Variants in C5orf34 observed in about 807,000 individuals in gnomAD.
C5orf34 encodes the protein chromosome 5 open reading frame 34, also known as uncharacterized protein C5orf34.
In C5orf34, 73 loss-of-function variants were observed where a neutral mutation model predicts 78.4. The observed-to-expected ratio is 0.93, with a 90% confidence interval of 0.77 to 1.13. The LOEUF (loss-of-function observed/expected upper bound fraction) is 1.13. Ranked by LOEUF, C5orf34 falls within the 50% of genes most tolerant of loss-of-function variation. The pLI is 0.00. For synonymous variants in C5orf34, 251 were observed against 246.6 expected (o/e 1.02, Z -0.17); for missense variants, 730 against 732.7 (o/e 1.00, Z 0.04).
At chr5:43,500,055 A>G (rs1039269459) in intron 6 of C5orf34, among the ~76,000 whole-genome samples, 5 of 152,188 alleles carry the variant, frequency 3.3e-5, no homozygotes, top group African/African-American at 1.2e-4. Flanking sequence ...AGCCAAACCA[A>G]TTAACACTTC....
chr5:43,496,484 C>T (rs571008677), intron 6 of C5orf34: 19 of 1,515,922 alleles, frequency 1.3e-5, no homozygotes, highest in African/African-American at 4.2e-5. Flanking sequence ...TTTCACAACA[C>T]CTGTGTTCTG....
At chr5:43,506,431 CT>C (rs756089587) in intron 3 of C5orf34, 37 bp from the exon 4 acceptor site, 1 of 1,529,266 alleles carries the variant, frequency 6.5e-7, no homozygotes, top group Admixed American at 2.2e-5. Context: ...TGAGTATTTT[CT>C]GTTAACAGTC....
At chr5:43,494,898 G>T (rs1291133120) in intron 6 of C5orf34, among the ~76,000 whole-genome samples, 1 of 151,946 alleles carries the variant, frequency 6.6e-6, no homozygotes, top group East Asian at 1.9e-4. Flanking sequence ...ATGCAAAAAA[G>T]AAAACCAAAG....
chr5:43,493,950 C>A (rs1745392001), intron 7 of C5orf34, among the ~76,000 whole-genome samples: 1 of 152,102 alleles, frequency 6.6e-6, no homozygotes, highest in Non-Finnish European at 1.5e-5. Context: ...GGATGTGAAT[C>A]AACTATCCCT....
At chr5:43,497,385 A>G (rs1745578015) in intron 6 of C5orf34, among the ~76,000 whole-genome samples, 1 of 152,238 alleles carries the variant, frequency 6.6e-6, no homozygotes. Flanking sequence ...CCTCAAAATA[A>G]TTCTGAGATA....
intron 6 of C5orf34, chr5:43,496,468 G>A (rs956663382): frequency 6.4e-7 from 1 of 1,557,748 alleles, no homozygotes; most frequent in South Asian, 1.2e-5. Flanking sequence ...GGCTTTTAGG[G>A]GTAGTTTTCA....
chr5:43,500,200 T>C (rs551205459), intron 6 of C5orf34, among the ~76,000 whole-genome samples: 197 of 152,342 alleles, frequency 1.3e-3, no homozygotes, highest in African/African-American at 4.6e-3. Flanking sequence ...CTGATGCAAG[T>C]AGTAAAGTTG....
Position 43,506,309 on chromosome 5 carries a change from T to G in C5orf34, c.371A>C (p.Lys124Thr). ...TMIYMESGIV[K>T]ITSLDGHAYL... is the part of the protein sequence containing the mutation. ...TGCATGACCATCTAAAGATGTTATC[T>G]TCACAATGCCACTCTCCATATATAT... is the stretch of plus-strand genomic sequence containing the variant. The change falls in exon 4 of 13, where the codon AAG becomes ACG. Residue 124 changes from lysine to threonine, a missense_variant. Coordinates refer to ENST00000306862, the MANE Select transcript of C5orf34 (RefSeq NM_198566.4). The G allele has an allele frequency of 6.2e-7, 1 of 1,614,138 alleles. No homozygotes were observed. The highest frequency in any genetic ancestry group is 8.5e-7 in the Non-Finnish European group (1 of 1,180,032).
At chr5:43,505,105 G>A (rs1745923266) in intron 4 of C5orf34, among the ~76,000 whole-genome samples, 1 of 152,214 alleles carries the variant, frequency 6.6e-6, no homozygotes, top group Non-Finnish European at 1.5e-5. Flanking sequence ...TGGCACATAA[G>A]TGTTTTGTAA....
chr5:43,503,592 G>T, intron 5 of C5orf34, 73 bp downstream of exon 5: 2 of 972,616 alleles, frequency 2.1e-6, no homozygotes, highest in Non-Finnish European at 3.3e-6. Flanking sequence ...TGTCTATAAG[G>T]CTCGTCCCAT....
In C5orf34 at chr5:43,494,549, C is replaced by A; in HGVS notation, c.1205G>T (p.Ser402Ile). The change falls in exon 7 of 13, where the codon AGT becomes ATT. Residue 402 changes from serine (S) to isoleucine (I), a missense_variant. By Grantham distance (142) the Ser-to-Ile change is moderately radical. Transcript: ENST00000306862. ...VNNLPPDRPGSPFTVGSLIKQ... is the reference protein window; with the variant it reads ...VNNLPPDRPGIPFTVGSLIKQ... ...AATTAGAGAACCGACAGTGAATGGA[C>A]TTCCCGGTCTATCTGGAGGAAGGTT... 1 of 1,608,580 alleles carries A rather than the reference C, an allele frequency of 6.2e-7. No individual in the cohort carries two copies. The highest frequency in any genetic ancestry group is 2.2e-5 in the East Asian group (1 of 44,750).
chr5:43,487,139 C>A (rs1413086436), intron 12 of C5orf34, 28 bp from the exon 13 acceptor site: 1 of 1,178,582 alleles, frequency 8.5e-7, no homozygotes, highest in Non-Finnish European at 1.2e-6. Context: ...GGAGGTTTTC[C>A]CCACATTTTT....
At chr5:43,487,777 T>C in intron 12 of C5orf34, 132 bp downstream of exon 12, 1 of 659,758 alleles carries the variant, frequency 1.5e-6, no homozygotes, top group East Asian at 2.9e-5. Context: ...CAATCTTAGG[T>C]ATTTGCTGAC....
chr5:43,487,787 C>G (rs1276585110), intron 12 of C5orf34, 122 bp downstream of exon 12: 2 of 704,314 alleles, frequency 2.8e-6, no homozygotes, highest in Non-Finnish European at 4.8e-6. Flanking sequence ...TATTTGCTGA[C>G]TCAATAAAGG....
At chr5:43,488,173 T>G in intron 11 of C5orf34, 1 of 520,216 alleles carries the variant, frequency 1.9e-6, no homozygotes, top group African/African-American at 1.9e-5. Flanking sequence ...CCCTTGTAAA[T>G]CCACTTCAAG....
rs1040125489 is a variant in C5orf34 at position 43,504,762 on chromosome 5, A to G, written c.932+986T>C. On this transcript the variant is annotated intron_variant, in intron 4 of 12. Coordinates refer to ENST00000306862, the MANE Select transcript of C5orf34 (RefSeq NM_198566.4). Reference sequence around the variant, plus strand: ...GACCTGGTAAGCTATGTGAAGGATCATGGATTTCAACCTAAACATCATGGT... The same window carrying G: ...GACCTGGTAAGCTATGTGAAGGATCGTGGATTTCAACCTAAACATCATGGT... 1.9e-4 allele frequency among the ~76,000 whole-genome samples: 29 copies of G among 152,218 alleles called. 1 individual carries two copies. Among genetic ancestry groups the G allele is most frequent in the Non-Finnish European group, 3.5e-4 (24 of 68,024 alleles).
intron 5 of C5orf34, 69 bp from the exon 6 acceptor site, chr5:43,502,564 T>A (rs1207223677): frequency 1.7e-5 from 15 of 891,864 alleles, no homozygotes; most frequent in Middle Eastern, 2.5e-4. Flanking sequence ...AAGATAGTCA[T>A]CAAAAAACAG....
At chr5:43,512,400 T>C (rs1746306905) in intron 1 of C5orf34, among the ~76,000 whole-genome samples, 1 of 152,242 alleles carries the variant, frequency 6.6e-6, no homozygotes, top group Admixed American at 6.5e-5. Context: ...ACTACCAACC[T>C]TCTCTCCTAT....
chr5:43,505,748 C>A lies in C5orf34; in HGVS notation c.932G>T (p.Arg311Met). Residue 311 changes from arginine (R) to methionine (M), a missense_variant and splice_region_variant, in exon 4 of 13, where the codon AGG becomes ATG. By Grantham distance (91) the Arg-to-Met change is moderately conservative. Transcript: ENST00000306862. ...SLSCPVPHLH[R>M]WNFCDSLLQR... is the part of the protein sequence containing the mutation. ...TGACCAATAGCCATTACTGCATTAC[C>A]TGTGTAGGTGTGGGACTGGACAGCT... 6.5e-7 allele frequency: 1 copy of A among 1,549,104 alleles called. No individual in the cohort carries two copies. The highest frequency in any genetic ancestry group is 8.7e-7 in the Non-Finnish European group (1 of 1,149,116).
Sources: allele counts gnomAD v4.1 joint callset (sites outside exome capture counted in the v4.1 genomes callset), GRCh38; gene constraint gnomAD v4.1.1; transcripts MANE v1.5; gene names NCBI Gene and HGNC (gene_info 2026-07-23, HGNC 2026-07-21).